The following CACNG8 variants were observed in gnomAD, a reference collection of about 807,000 sequenced individuals.
The protein encoded by CACNG8 is calcium voltage-gated channel auxiliary subunit gamma 8.
In CACNG8, 5 loss-of-function variants were observed where a neutral mutation model predicts 26.9. That is an observed-to-expected ratio of 0.19 (90% CI 0.10 to 0.39). The LOEUF is 0.39. CACNG8 is among the 10% of genes least tolerant of loss of function. CACNG8 has a pLI of 1.00. For synonymous variants in CACNG8, 321 were observed against 296.7 expected, an observed-to-expected ratio of 1.08 and a Z score of -0.84; for missense variants, 473 against 609.4, an observed-to-expected ratio of 0.78 and a Z score of 2.36.
intron 1 of CACNG8, among the ~76,000 whole-genome samples, chr19:53,966,412 GT>G (rs2069272709): frequency 6.6e-6 from 1 of 151,692 alleles, no homozygotes; most frequent in Non-Finnish European, 1.5e-5. Flanking sequence ...TTTTTGTTTT[GT>G]TTTTCTTTTT....
chr19:53,971,568 T>C (rs1282183561), intron 1 of CACNG8, among the ~76,000 whole-genome samples: 3 of 152,232 alleles, frequency 2.0e-5, no homozygotes, highest in Non-Finnish European at 4.4e-5. Context: ...TTGTGCCCCC[T>C]CCTCAGGGAT....
chr19:53,984,604 C>T lies in CACNG8; in HGVS notation c.*1755C>T, dbSNP rs1216656829. The stretch of plus-strand genomic sequence containing the variant: ...CTAACAGTTCTGGGATGCTGATGTA[C>T]AAGGTGGGGCTGGGAGATGAGGCCG... On this transcript the variant is annotated 3_prime_UTR_variant, in exon 4 of 4. Transcript: ENST00000270458. 4 of 152,260 alleles carry T rather than the reference C, an allele frequency of 2.6e-5. No homozygotes were observed. Among genetic ancestry groups the T allele is most frequent in the African/African-American group, 4.8e-5 (2 of 41,396 alleles). 9.4% of individuals were successfully genotyped at this position (152,260 alleles called of 1,614,324 possible). A position where few individuals can be genotyped will look rare whatever the true frequency, so the allele number is the denominator to read the frequency against.
At chr19:53,977,220 G>A (rs2069335050) in intron 1 of CACNG8, among the ~76,000 whole-genome samples, 1 of 152,196 alleles carries the variant, frequency 6.6e-6, no homozygotes, top group African/African-American at 2.4e-5. Context: ...GCCTCCTCAA[G>A]AAGGTGCCTC....
intron 1 of CACNG8, among the ~76,000 whole-genome samples, chr19:53,963,630 A>G (rs1285994268): frequency 1.3e-5 from 2 of 151,754 alleles, no homozygotes; most frequent in Non-Finnish European, 2.9e-5. Flanking sequence ...ACCCTGCGGA[A>G]TTCCTCGGCA....
chr19:53,984,047 C>G lies in CACNG8; in HGVS notation c.*1198C>G, dbSNP rs1431592770. On this transcript the variant is annotated 3_prime_UTR_variant, in exon 4 of 4. Coordinates refer to ENST00000270458, the MANE Select transcript of CACNG8 (RefSeq NM_031895.6). ...GAGGCAGAGATGTGCTGAAATACAG[C>G]ATCAAACATGGGCACGGGCCCTTGG... 2.0e-5 allele frequency: 3 copies of G among 152,302 alleles called. No homozygotes were observed. The highest frequency in any genetic ancestry group is 2.9e-5 in the Non-Finnish European group (2 of 68,088). The allele number at this position is 152,302 out of a possible 1,614,324, so 9.4% of individuals were successfully genotyped here.
chr19:53,982,355 C>G lies in CACNG8; in HGVS notation c.784C>G (p.Arg262Gly), dbSNP rs1274278815. Residue 262 changes from arginine (R) to glycine (G), a missense_variant, in exon 4 of 4, where the codon CGT becomes GGT. Physicochemically the swap from Arg to Gly is moderately radical, Grantham distance 125. Transcript: ENST00000270458. The surrounding 1 kb of genome is among the most constrained non-coding windows in gnomAD (Gnocchi z 8.4). ...CGGGAGCGGCCCCTCGGCCATCCTC[C>G]GTCTGCCCAGTTACCGCTTCCGCTA... 3 of 1,545,508 alleles carry G rather than the reference C, an allele frequency of 1.9e-6. No homozygotes were observed. The highest frequency in any genetic ancestry group is 1.9e-5 in the Admixed American group (1 of 51,528).
In CACNG8 at chr19:53,982,848, A is replaced by AG; in HGVS notation, c.*3dup. ...CTCAACAGGAAAACCACGCCTGTGT[A>AG]GGGGCGCGGCGGGGGAGCCGAGGGG... The change falls in exon 4 of 4, where the codon TAG becomes TAGG. Residue 426 remains the stop codon, a frameshift_variant and stop_retained_variant. Transcript: ENST00000270458. LOFTEE classifies it high-confidence loss of function. The surrounding 1 kb of genome is among the most constrained non-coding windows in gnomAD (Gnocchi z 8.4). 7.6e-7 allele frequency: 1 copy of AG among 1,311,830 alleles called. No individual in the cohort carries two copies. Among genetic ancestry groups the AG allele is most frequent in the Non-Finnish European group, 9.7e-7 (1 of 1,026,782 alleles). The allele number at this position is 1,311,830 out of a possible 1,614,324, so 81.3% of individuals were successfully genotyped here.
In CACNG8 at chr19:53,987,577, T is replaced by G. The variant is rs543132434; in HGVS notation, c.*4728T>G. The G allele has an allele frequency of 7.3e-6, 1 of 137,260 alleles. No homozygotes were observed. Among genetic ancestry groups the G allele is most frequent in the South Asian group, 2.5e-4 (1 of 4,008 alleles). 8.5% of individuals were successfully genotyped at this position (137,260 alleles called of 1,614,324 possible). ...GCTAGAGCCTGCATTGGTGGTGAAC[T>G]GGATGTCATAGAGGAGGGAAGGAAA... On this transcript the variant is annotated 3_prime_UTR_variant, in exon 4 of 4. Coordinates refer to ENST00000270458, the MANE Select transcript of CACNG8 (RefSeq NM_031895.6).
In CACNG8 at chr19:53,963,445, C is replaced by T. The variant is rs2069254719; in HGVS notation, c.283+20C>T. ...TGGAAGGTAGGGTGCGGGCGGCCCT[C>T]CCCGCAGCCCCCGCCGCTCCCCTCC... On this transcript the variant is annotated intron_variant, in intron 1 of 3. Transcript: ENST00000270458. 1.4e-6 allele frequency: 2 copies of T among 1,427,780 alleles called. No homozygotes were observed. Among genetic ancestry groups the T allele is most frequent in the East Asian group, 2.8e-5 (1 of 35,866 alleles). The allele number at this position is 1,427,780 out of a possible 1,614,324, so 88.4% of individuals were successfully genotyped here. A position where few individuals can be genotyped will look rare whatever the true frequency, so the allele number is the denominator to read the frequency against.
chr19:53,963,059 G>C lies in CACNG8; in HGVS notation c.-84G>C. On this transcript the variant is annotated 5_prime_UTR_variant, in exon 1 of 4. Transcript: ENST00000270458. The stretch of plus-strand genomic sequence containing the variant: ...CGGGCCCCCCGCTTCTGCCTGCGCT[G>C]TGAACCCCCCCCCAGCCGCCGGCAC... 1 of 765,460 alleles carries C rather than the reference G, an allele frequency of 1.3e-6. No individual in the cohort carries two copies. Among genetic ancestry groups the C allele is most frequent in the Non-Finnish European group, 1.8e-6 (1 of 548,164 alleles). The allele number at this position is 765,460 out of a possible 1,614,324, so 47.4% of individuals were successfully genotyped here. A position where few individuals can be genotyped will look rare whatever the true frequency, so the allele number is the denominator to read the frequency against.
chr19:53,967,907 T>G (rs1017501817), intron 1 of CACNG8, among the ~76,000 whole-genome samples: 6 of 152,288 alleles, frequency 3.9e-5, no homozygotes, highest in South Asian at 4.1e-4. Flanking sequence ...TGACATTTTC[T>G]CAATCATTAA....
chr19:53,963,438 C>T lies in CACNG8; in HGVS notation c.283+13C>T. On this transcript the variant is annotated intron_variant, in intron 1 of 3. Transcript: ENST00000270458. ...TGCTGCCTGGAAGGTAGGGTGCGGG[C>T]GGCCCTCCCCGCAGCCCCCGCCGCT... 2 of 1,430,282 alleles carry T rather than the reference C, an allele frequency of 1.4e-6. No individual in the cohort carries two copies. The highest frequency in any genetic ancestry group is 2.8e-5 in the East Asian group (1 of 35,750). The allele number at this position is 1,430,282 out of a possible 1,614,324, so 88.6% of individuals were successfully genotyped here.
Position 53,982,140 on chromosome 19 carries a change from C to G in CACNG8, c.569C>G (p.Pro190Arg). ...TCCGCCAACGCGGGCGAGCCGGGCCCGAAGCGGGACGAGGAGAAGAAAAAC... is the reference window on the plus strand; with the variant it reads ...TCCGCCAACGCGGGCGAGCCGGGCCGGAAGCGGGACGAGGAGAAGAAAAAC... The change falls in exon 4 of 4, where the codon CCG becomes CGG. Residue 190 changes from proline to arginine, a missense_variant. Pro to Arg is a moderately radical substitution (Grantham distance 103, BLOSUM62 -2). This residue lies in a region of CACNG8 where 155 missense variants were observed against 253.0 expected (regional missense o/e 0.61). Transcript: ENST00000270458. The surrounding 1 kb of genome is among the most constrained non-coding windows in gnomAD (Gnocchi z 8.4). 1 of 1,611,276 alleles carries G rather than the reference C, an allele frequency of 6.2e-7. No individual in the cohort carries two copies. Among genetic ancestry groups the G allele is most frequent in the Non-Finnish European group, 8.5e-7 (1 of 1,178,768 alleles).
At chr19:53,979,192 C>A in intron 2 of CACNG8, among the ~76,000 whole-genome samples, 1 of 99,088 alleles carries the variant, frequency 1.0e-5, no homozygotes, top group African/African-American at 3.8e-5. Flanking sequence ...TGAGGCCAGG[C>A]AGAAAAAGCG....
At chr19:53,972,356 C>CT (rs2069307455) in intron 1 of CACNG8, among the ~76,000 whole-genome samples, 8 of 104,218 alleles carry the variant, frequency 7.7e-5, no homozygotes, top group Non-Finnish European at 9.7e-5. Context: ...CTCTTTTCTT[C>CT]TTTTCTTTTT....
rs148279818 is a variant in CACNG8, at chr19:53,967,790, G to A, written c.283+4365G>A. On this transcript the variant is annotated intron_variant, in intron 1 of 3. Transcript: ENST00000270458. Reference sequence around the variant, plus strand: ...GTGGAGGTTGCAGTGAGCCGAGATCGCATCACTGCACTCTAGCCTGGGCAA... The same window carrying A: ...GTGGAGGTTGCAGTGAGCCGAGATCACATCACTGCACTCTAGCCTGGGCAA... Among the ~76,000 whole-genome samples, 277 of 152,198 alleles carry A rather than the reference G, an allele frequency of 1.8e-3. 4 individuals are homozygous for A. Among genetic ancestry groups the A allele is most frequent in the East Asian group, 0.017 (87 of 5,178 alleles).
intron 1 of CACNG8, among the ~76,000 whole-genome samples, chr19:53,975,659 G>T (rs529103838): frequency 6.6e-6 from 1 of 152,108 alleles, no homozygotes; most frequent in South Asian, 2.1e-4. Context: ...GATTACAGAC[G>T]TGAGCCACCA....
chr19:53,968,660 C>T (rs1423550335), intron 1 of CACNG8, among the ~76,000 whole-genome samples: 4 of 147,808 alleles, frequency 2.7e-5, no homozygotes, highest in Admixed American at 7.0e-5. Flanking sequence ...CCCAGCTACT[C>T]GGGAGGCTGA....
chr19:53,975,240 G>C (rs563977481), intron 1 of CACNG8, among the ~76,000 whole-genome samples: 2 of 151,970 alleles, frequency 1.3e-5, no homozygotes, highest in Non-Finnish European at 2.9e-5. Flanking sequence ...GAGCTCCTGC[G>C]CCTGGCCTAT....
Sources: gnomAD v4.1 joint callset for allele counts (sites outside exome capture counted in the v4.1 genomes callset) on GRCh38, gnomAD v4.1.1 for gene constraint, gnomAD v4.1.1 regional missense constraint, Gnocchi (gnomAD v3.1) non-coding constraint, MANE v1.5 for transcripts, NCBI Gene and HGNC (gene_info 2026-07-23, HGNC 2026-07-21) for gene names.